The following TRIM24 variants were observed in gnomAD, a reference collection of about 807,000 sequenced individuals.
The protein encoded by TRIM24 is tripartite motif containing 24.
Under a neutral mutation model 123.9 loss-of-function variants are expected in TRIM24, and 29 were observed. The observed-to-expected ratio is 0.23, with a 90% CI of 0.17 to 0.32. The LOEUF (loss-of-function observed/expected upper bound fraction) is 0.32, where lower values mean the gene tolerates loss of function less well. Ranked by LOEUF, TRIM24 falls within the 10% of genes least tolerant of loss-of-function variation. TRIM24 has a pLI of 1.00. For missense variants in TRIM24, 932 were observed against 1,295.3 expected (o/e 0.72, Z 4.31); for synonymous variants, 456 against 461.1 (o/e 0.99, Z 0.14).
At chr7:138,533,375 T>C (rs574085229) in intron 6 of TRIM24, among the ~76,000 whole-genome samples, 533 of 152,344 alleles carry the variant, frequency 3.5e-3, no homozygotes, top group African/African-American at 0.012. Flanking sequence ...GCTCTTATTA[T>C]TTTGAGATAC....
At chr7:138,469,329 C>CA (rs900396548) in intron 1 of TRIM24, among the ~76,000 whole-genome samples, 1 of 150,154 alleles carries the variant, frequency 6.7e-6, no homozygotes, top group African/African-American at 2.4e-5. Context: ...ACCCCTTTCT[C>CA]AATTTTTTTT....
rs139479623 is a variant in TRIM24, at chr7:138,528,966, C to T, written c.882-150C>T. On this transcript the variant is annotated intron_variant, in intron 5 of 18. Coordinates refer to ENST00000343526, the MANE Select transcript of TRIM24 (RefSeq NM_015905.3). ...CAGAAGAATTATATTTCTGCTGTCTCATCTTCAAGACAGTCAATTTAAAGT... is the reference window on the plus strand; with the variant it reads ...CAGAAGAATTATATTTCTGCTGTCTTATCTTCAAGACAGTCAATTTAAAGT... The T allele has an allele frequency of 1.7e-3, 634 of 381,144 alleles. 1 individual carries two copies. Among genetic ancestry groups the T allele is most frequent in the African/African-American group, 0.012 (550 of 47,810 alleles). 23.6% of individuals were successfully genotyped at this position (381,144 alleles called of 1,614,324 possible).
At chr7:138,540,656 T>C (rs1401732150) in intron 7 of TRIM24, among the ~76,000 whole-genome samples, 1 of 152,164 alleles carries the variant, frequency 6.6e-6, no homozygotes, top group African/African-American at 2.4e-5. Flanking sequence ...TCCCTAAAGG[T>C]TGGAATCAAC....
intron 1 of TRIM24, among the ~76,000 whole-genome samples, chr7:138,499,827 C>G (rs1795996575): frequency 6.6e-6 from 1 of 151,670 alleles, no homozygotes; most frequent in African/African-American, 2.4e-5. Context: ...TTCCTTTAAC[C>G]TCTCTCTATG....
intron 5 of TRIM24, among the ~76,000 whole-genome samples, 192 bp downstream of exon 5, chr7:138,525,549 A>C (rs991994685): frequency 6.6e-6 from 1 of 152,174 alleles, no homozygotes; most frequent in Non-Finnish European, 1.5e-5. Flanking sequence ...ACTAATAATA[A>C]ACTACACTTA....
chr7:138,522,649 C>T (rs542312683), intron 4 of TRIM24, among the ~76,000 whole-genome samples: 2 of 151,766 alleles, frequency 1.3e-5, no homozygotes, highest in South Asian at 4.2e-4. Context: ...TAAACAAAGT[C>T]ATTTTTTTTT....
intron 1 of TRIM24, among the ~76,000 whole-genome samples, chr7:138,464,295 C>T (rs537389256): frequency 3.2e-4 from 48 of 152,036 alleles, no homozygotes; most frequent in Non-Finnish European, 5.1e-4. Flanking sequence ...CGCAGCCAGC[C>T]AAATTTAGAC....
At chr7:138,499,696 C>T in intron 1 of TRIM24, among the ~76,000 whole-genome samples, 1 of 152,274 alleles carries the variant, frequency 6.6e-6, no homozygotes, top group African/African-American at 2.4e-5. Flanking sequence ...GCATGTTATA[C>T]AGTTACACAA....
At chr7:138,486,553 A>G (rs1274832383) in intron 1 of TRIM24, among the ~76,000 whole-genome samples, 2 of 152,204 alleles carry the variant, frequency 1.3e-5, no homozygotes, top group East Asian at 1.9e-4. Flanking sequence ...CTTTCTACAT[A>G]TGGCTAGCCA....
chr7:138,493,561 T>C (rs761211276), intron 1 of TRIM24, among the ~76,000 whole-genome samples: 26 of 152,158 alleles, frequency 1.7e-4, no homozygotes, highest in Non-Finnish European at 3.7e-4. Context: ...TTAAAAATAG[T>C]GTGTAATCCT....
In TRIM24 at chr7:138,568,682, C is replaced by T. The variant is rs115782102; in HGVS notation, c.1704+1028C>T. On this transcript the variant is annotated intron_variant, in intron 10 of 18. Transcript: ENST00000343526. The stretch of plus-strand genomic sequence containing the variant: ...GATTACAGGTGTGGGCCACCATACC[C>T]GGCTGTATTATTTATATACTTAGTG... Among the ~76,000 whole-genome samples, 1,141 of 151,972 alleles carry T rather than the reference C, an allele frequency of 7.5e-3. 14 individuals carry two copies. The highest frequency in any genetic ancestry group is 0.044 in the South Asian group (213 of 4,814).
chr7:138,580,409 A>G (rs1033351069), intron 15 of TRIM24, among the ~76,000 whole-genome samples, 153 bp from the exon 16 acceptor site: 4 of 152,184 alleles, frequency 2.6e-5, no homozygotes, highest in Admixed American at 6.5e-5. Flanking sequence ...ATGGTGCAGT[A>G]TACCTAGTGG....
chr7:138,547,304 AG>A (rs1797121536), intron 7 of TRIM24, among the ~76,000 whole-genome samples: 1 of 152,218 alleles, frequency 6.6e-6, no homozygotes, highest in South Asian at 2.1e-4. Context: ...AGGAGGAATA[AG>A]TTCACCAGAG....
intron 14 of TRIM24, among the ~76,000 whole-genome samples, chr7:138,578,127 G>C (rs914735065): frequency 1.3e-5 from 2 of 152,106 alleles, no homozygotes; most frequent in Non-Finnish European, 2.9e-5. Flanking sequence ...AGAATCTCCT[G>C]TTGGAGATTG....
intron 7 of TRIM24, among the ~76,000 whole-genome samples, chr7:138,544,145 A>G (rs1373933197): frequency 6.6e-6 from 1 of 152,156 alleles, no homozygotes; most frequent in Non-Finnish European, 1.5e-5. Context: ...TATTCATTCT[A>G]CCTACCTGGA....
At chr7:138,486,534 C>T (rs78425986) in intron 1 of TRIM24, among the ~76,000 whole-genome samples, 68,055 of 151,928 alleles carry the variant, frequency 0.45, 16,060 homozygotes, top group African/African-American at 0.53. Context: ...GGAAGGGATC[C>T]GGTTTCAGCT....
intron 1 of TRIM24, among the ~76,000 whole-genome samples, chr7:138,470,821 A>G (rs1051222638): frequency 6.6e-6 from 1 of 152,232 alleles, no homozygotes; most frequent in Admixed American, 6.5e-5. Flanking sequence ...TCCCTGTCCT[A>G]TAGAAAGCTG....
chr7:138,584,641 T>G, intron 18 of TRIM24, 101 bp from the exon 19 acceptor site: 1 of 887,460 alleles, frequency 1.1e-6, no homozygotes, highest in Non-Finnish European at 1.7e-6. Flanking sequence ...ATTATTTCAA[T>G]GACTATGCAT....
intron 7 of TRIM24, among the ~76,000 whole-genome samples, chr7:138,541,530 A>G (rs1797004827): frequency 6.6e-6 from 1 of 152,238 alleles, no homozygotes; most frequent in Non-Finnish European, 1.5e-5. Context: ...GATGTGCTGT[A>G]ATCCCGGCTT....
Sources: gnomAD v4.1 joint callset for allele counts (sites outside exome capture counted in the v4.1 genomes callset) on GRCh38, gnomAD v4.1.1 for gene constraint, MANE v1.5 for transcripts, NCBI Gene and HGNC (gene_info 2026-07-23, HGNC 2026-07-21) for gene names.